The following LIN52 variants were observed in gnomAD, a reference collection of about 807,000 sequenced individuals.
LIN52 encodes the protein protein lin-52 homolog.
Under a neutral mutation model 18.5 loss-of-function variants are expected in LIN52, and 4 were observed. The observed-to-expected ratio is 0.22, with a 90% CI of 0.11 to 0.49. The LOEUF (loss-of-function observed/expected upper bound fraction) is 0.49. LIN52 is among the 20% of genes least tolerant of loss of function. LIN52 has a pLI of 0.97. For synonymous variants in LIN52, 34 were observed against 45.5 expected (o/e 0.75, Z 1.02); for missense variants, 102 against 139.5 (o/e 0.73, Z 1.35).
At chr14:74,104,977 CT>C (rs377724795) in intron 5 of LIN52, among the ~76,000 whole-genome samples, 13 of 152,258 alleles carry the variant, frequency 8.5e-5, no homozygotes, top group African/African-American at 2.9e-4. Context: ...TGTCATTTCT[CT>C]CATTGACTAG....
intron 5 of LIN52, among the ~76,000 whole-genome samples, chr14:74,130,324 G>A (rs1412538464): frequency 1.1e-5 from 1 of 93,196 alleles, no homozygotes; most frequent in Non-Finnish European, 2.0e-5. Flanking sequence ...TTGCCAAGCT[G>A]GAGTGCAGTG....
At chr14:74,116,823 A>G (rs1169983935) in intron 5 of LIN52, among the ~76,000 whole-genome samples, 1 of 151,306 alleles carries the variant, frequency 6.6e-6, no homozygotes, top group East Asian at 1.9e-4. Flanking sequence ...ACAATTTTAC[A>G]GCAGGTGTTT....
chr14:74,182,368 T>C (rs1411007544), intron 5 of LIN52, among the ~76,000 whole-genome samples: 1 of 152,236 alleles, frequency 6.6e-6, no homozygotes, highest in Non-Finnish European at 1.5e-5. Context: ...TATTTTCACA[T>C]TGATGAATTT....
At chr14:74,110,702 C>T (rs1184510901) in intron 5 of LIN52, among the ~76,000 whole-genome samples, 1 of 149,564 alleles carries the variant, frequency 6.7e-6, no homozygotes, top group Non-Finnish European at 1.5e-5. Context: ...TGGTGCCTCA[C>T]GCCTGCAATC....
intron 5 of LIN52, among the ~76,000 whole-genome samples, chr14:74,152,729 A>C (rs2061181733): frequency 1.3e-5 from 2 of 152,010 alleles, no homozygotes; most frequent in Admixed American, 1.3e-4. Context: ...TGCAAGGCCA[A>C]GGCAGGCAGA....
At chr14:74,088,117 GTC>G (rs1227856186) in intron 1 of LIN52, among the ~76,000 whole-genome samples, 1 of 151,944 alleles carries the variant, frequency 6.6e-6, no homozygotes, top group African/African-American at 2.4e-5. Context: ...TTGAGACGGA[GTC>G]TCACTCTGTC....
rs895140410 is a variant in LIN52 at position 74,201,122 on chromosome 14, T to C, written c.*2145T>C. On this transcript the variant is annotated 3_prime_UTR_variant, in exon 6 of 6. Coordinates refer to ENST00000555028, the MANE Select transcript of LIN52 (RefSeq NM_001024674.3). ...GAAATGTTAATGATGTATTTTTATA[T>C]TGATAATATAAATTTATGTACAGTA... The C allele has an allele frequency of 6.6e-6, 1 of 152,244 alleles. No homozygotes were observed. Among genetic ancestry groups the C allele is most frequent in the African/African-American group, 2.4e-5 (1 of 41,466 alleles). 9.4% of individuals were successfully genotyped at this position (152,244 alleles called of 1,614,324 possible). A position where few individuals can be genotyped will look rare whatever the true frequency, so the allele number is the denominator to read the frequency against.
intron 5 of LIN52, among the ~76,000 whole-genome samples, chr14:74,126,004 G>A (rs1284564872): frequency 1.3e-5 from 2 of 149,168 alleles, no homozygotes; most frequent in Non-Finnish European, 3.0e-5. Context: ...TAACCTGCAC[G>A]TTGTGCACAT....
At chr14:74,095,361 C>T (rs1335085418) in intron 2 of LIN52, among the ~76,000 whole-genome samples, 1 of 151,814 alleles carries the variant, frequency 6.6e-6, no homozygotes, top group African/African-American at 2.4e-5. Context: ...TCTCCAACTC[C>T]TGAGCTCGAG....
chr14:74,176,053 A>G (rs1406834243), intron 5 of LIN52, among the ~76,000 whole-genome samples: 3 of 152,114 alleles, frequency 2.0e-5, no homozygotes, highest in African/African-American at 7.2e-5. Context: ...TTCTATCTCC[A>G]CATCTTGTCC....
At chr14:74,187,945 T>TA (rs1299761676) in intron 5 of LIN52, among the ~76,000 whole-genome samples, 1 of 152,236 alleles carries the variant, frequency 6.6e-6, no homozygotes, top group African/African-American at 2.4e-5. Context: ...AGATCACTAA[T>TA]ACGTGATGGA....
intron 5 of LIN52, among the ~76,000 whole-genome samples, chr14:74,175,869 C>G (rs946848828): frequency 6.6e-6 from 1 of 150,870 alleles, no homozygotes; most frequent in South Asian, 2.1e-4. Flanking sequence ...AATCCCAACA[C>G]TTTGGGAGGC....
At chr14:74,121,549 T>TTAAAGAAAA (rs978085880) in intron 5 of LIN52, among the ~76,000 whole-genome samples, 1 of 152,224 alleles carries the variant, frequency 6.6e-6, no homozygotes, top group African/African-American at 2.4e-5. Context: ...TAGCAAATAG[T>TTAAAGAAAA]TAAAGAAAAT....
At chr14:74,095,139 C>G (rs2060800007) in intron 2 of LIN52, among the ~76,000 whole-genome samples, 1 of 146,428 alleles carries the variant, frequency 6.8e-6, no homozygotes, top group East Asian at 2.0e-4. Flanking sequence ...ATTACCATGC[C>G]CAACTAACTG....
chr14:74,151,760 C>T (rs1231636931), intron 5 of LIN52, among the ~76,000 whole-genome samples: 1 of 152,108 alleles, frequency 6.6e-6, no homozygotes, highest in Non-Finnish European at 1.5e-5. Context: ...AACAAGAGAT[C>T]AATTAACAAA....
At chr14:74,197,398 GGA>G (rs1288775577) in intron 5 of LIN52, among the ~76,000 whole-genome samples, 6 of 152,320 alleles carry the variant, frequency 3.9e-5, no homozygotes, top group African/African-American at 1.4e-4. Context: ...CAAGTGAACA[GGA>G]GAGCACGTGC....
intron 5 of LIN52, among the ~76,000 whole-genome samples, chr14:74,150,912 A>G (rs2061174123): frequency 6.6e-6 from 1 of 152,176 alleles, no homozygotes; most frequent in African/African-American, 2.4e-5. Flanking sequence ...AGATTTCAAA[A>G]TATTTCTTGA....
At chr14:74,179,330 T>C (rs1238748472) in intron 5 of LIN52, among the ~76,000 whole-genome samples, 7 of 152,098 alleles carry the variant, frequency 4.6e-5, no homozygotes, top group African/African-American at 1.7e-4. Context: ...CTGAGTACAA[T>C]AGATAGCAAT....
rs956741726 is a variant in LIN52, at chr14:74,160,467, A to G, written c.284-38455A>G. Among the ~76,000 whole-genome samples the G allele has an allele frequency of 1.3e-4, 20 of 152,200 alleles. No homozygotes were observed. In the East Asian group the frequency reaches 3.7e-3, roughly 28 times the overall value. On this transcript the variant is annotated intron_variant, in intron 5 of 5. Transcript: ENST00000555028. ...TCTTAGCCTAGATTTAAAAACCTTT[A>G]ATTTTTCACTATTTTATGTAGTTCC...
Sources: gnomAD v4.1 joint callset for allele counts (sites outside exome capture counted in the v4.1 genomes callset) on GRCh38, gnomAD v4.1.1 for gene constraint, MANE v1.5 for transcripts, NCBI Gene and HGNC (gene_info 2026-07-23, HGNC 2026-07-21) for gene names.